Variants in TRIM31 observed in about 807,000 individuals in gnomAD.
TRIM31 encodes the protein E3 ubiquitin-protein ligase TRIM31.
Under a neutral mutation model 40.6 loss-of-function variants are expected in TRIM31, and 31 were observed. The ratio of observed to expected loss-of-function variants is 0.76; its 90% CI spans 0.57 to 1.03. The LOEUF (loss-of-function observed/expected upper bound fraction) is 1.03. TRIM31 is among the 50% of genes least tolerant of loss of function. The pLI is 0.00. For missense variants in TRIM31, 455 were observed against 497.5 expected, an observed-to-expected ratio of 0.91 and a Z score of 0.81; for synonymous variants, 164 against 193.9, an observed-to-expected ratio of 0.85 and a Z score of 1.28.
At chr6:30,103,958 G>A (rs1159206805) in intron 8 of TRIM31, 144 bp downstream of exon 8, 4 of 1,368,526 alleles carry the variant, frequency 2.9e-6, no homozygotes, top group Non-Finnish European at 4.1e-6. Flanking sequence ...TGGCAGAGGT[G>A]TAATTTGGGG....
chr6:30,108,853 G>T (rs2240068), intron 5 of TRIM31, 173 bp downstream of exon 5: 338,234 of 693,260 alleles, frequency 0.49, 84,575 homozygotes, highest in East Asian at 0.66. Flanking sequence ...AACCAACCAC[G>T]TGCTAATATG....
chr6:30,105,279 C>T (rs1768566382), intron 6 of TRIM31, 37 bp from the exon 7 acceptor site: 4 of 1,556,404 alleles, frequency 2.6e-6, no homozygotes, highest in Non-Finnish European at 3.5e-6. Context: ...GGTGAGAGTC[C>T]AGAGGGGTTG....
rs757504038 is a variant in TRIM31 at position 30,110,644 on chromosome 6, G to A, written c.548C>T (p.Thr183Ile). ...QVEHEKQRIL[T>I]EFELLHQVLE... ...GACTTGATGCAGGAGTTCAAATTCT[G>A]TGAGGATCCTTTGCTTCTCATGTTC... is the stretch of plus-strand genomic sequence containing the variant. The change falls in exon 4 of 9, where the codon ACA becomes ATA. Residue 183 changes from threonine (T) to isoleucine (I), a missense_variant. Thr to Ile is a moderately conservative substitution (Grantham distance 89, BLOSUM62 -1). Transcript: ENST00000376734. 6.2e-7 allele frequency: 1 copy of A among 1,614,162 alleles called. No individual in the cohort carries two copies. Among genetic ancestry groups the A allele is most frequent in the East Asian group, 2.2e-5 (1 of 44,890 alleles).
chr6:30,106,285 G>A (rs1314768210), intron 6 of TRIM31, among the ~76,000 whole-genome samples: 3 of 152,200 alleles, frequency 2.0e-5, no homozygotes, highest in African/African-American at 7.2e-5. Flanking sequence ...CAGTCATGGG[G>A]ACTGCTCAGG....
chr6:30,106,774 A>G (rs762113409), intron 6 of TRIM31, among the ~76,000 whole-genome samples: 1 of 152,064 alleles, frequency 6.6e-6, no homozygotes, highest in Non-Finnish European at 1.5e-5. Flanking sequence ...TCCAAACTAG[A>G]ACCAAACTAT....
chr6:30,112,262 C>T lies in TRIM31; in HGVS notation c.417+127G>A, dbSNP rs115689235. ...TGAACCCACTGTGCCTGACTGCGAG[C>T]TGCCCACTCAAGCCCAAGGGGTGGG... On this transcript the variant is annotated intron_variant, in intron 2 of 8. Coordinates refer to ENST00000376734, the MANE Select transcript of TRIM31 (RefSeq NM_007028.5). The T allele has an allele frequency of 3.4e-3, 3,677 of 1,070,912 alleles. 42 individuals carry two copies. The highest frequency in any genetic ancestry group is 0.032 in the African/African-American group (2,042 of 63,056). 66.3% of individuals were successfully genotyped at this position (1,070,912 alleles called of 1,614,324 possible). A position where few individuals can be genotyped will look rare whatever the true frequency, so the allele number is the denominator to read the frequency against.
At position 30,109,039 on chromosome 6, in the gene TRIM31, C is replaced by T. The variant is rs774568018; in HGVS notation, c.754G>A (p.Val252Ile). The T allele has an allele frequency of 6.2e-7, 1 of 1,613,010 alleles. No homozygotes were observed. Among genetic ancestry groups the T allele is most frequent in the Non-Finnish European group, 8.5e-7 (1 of 1,180,030 alleles). ...PPRQLLEDIK[V>I]VLCRSEEFQF... ...GGCCCATCATACCTGCACAAGACGA[C>T]TTTGATATCCTAGAAGAGAAAGAGA... is the stretch of plus-strand genomic sequence containing the variant. The change falls in exon 5 of 9, where the codon GTC becomes ATC. Residue 252 changes from valine to isoleucine, a missense_variant. Physicochemically the swap from Val to Ile is conservative, Grantham distance 29 (BLOSUM62 3). Coordinates refer to ENST00000376734, the MANE Select transcript of TRIM31 (RefSeq NM_007028.5).
In TRIM31 at chr6:30,103,749, TGAA is replaced by T. The variant is rs1195752061; in HGVS notation, c.1062_1064del (p.Ser355del). 20 of 1,612,998 alleles carry T rather than the reference TGAA, an allele frequency of 1.2e-5. No individual in the cohort carries two copies. Among genetic ancestry groups the T allele is most frequent in the Non-Finnish European group, 1.7e-5 (20 of 1,180,022 alleles). ...CCCGAAACAGGGAGTGGGATGGGGC[TGAA>T]GAGTGGTGATTTGGTGGCCCCGATG... On this transcript the variant is annotated inframe_deletion, in exon 9 of 9. Coordinates refer to ENST00000376734, the MANE Select transcript of TRIM31 (RefSeq NM_007028.5).
Position 30,103,373 on chromosome 6 carries a change from G to T in TRIM31, c.*163C>A. ...TCCAACTCTCTTCACCACCACCCCC[G>T]CCCCCATCTCCACTCTCAGTAGCCC... On this transcript the variant is annotated 3_prime_UTR_variant, in exon 9 of 9. Transcript: ENST00000376734. The T allele has an allele frequency of 1.7e-6, 1 of 571,728 alleles. No individual in the cohort carries two copies. The highest frequency in any genetic ancestry group is 3.1e-6 in the Non-Finnish European group (1 of 325,124). 35.4% of individuals were successfully genotyped at this position (571,728 alleles called of 1,614,324 possible).
chr6:30,108,082 G>C lies in TRIM31; in HGVS notation c.854C>G (p.Ser285Cys). The change falls in exon 6 of 9, where the codon TCC becomes TGC. Residue 285 changes from serine (S) to cysteine (C), a missense_variant. By Grantham distance (112) the Ser-to-Cys change is moderately radical. Coordinates refer to ENST00000376734, the MANE Select transcript of TRIM31 (RefSeq NM_007028.5). ...KLSEAKSRHDSITGSLKKFKD... is the reference protein window; with the variant it reads ...KLSEAKSRHDCITGSLKKFKD... Reference sequence around the variant, plus strand: ...GAATTTTTTTAGGCTCCCTGTGATGGAGTCATGTCTTGATTTTGCTTCACT... The same window carrying C: ...GAATTTTTTTAGGCTCCCTGTGATGCAGTCATGTCTTGATTTTGCTTCACT... 1 of 1,608,486 alleles carries C rather than the reference G, an allele frequency of 6.2e-7. No individual in the cohort carries two copies. The highest frequency in any genetic ancestry group is 8.5e-7 in the Non-Finnish European group (1 of 1,175,926).
intron 7 of TRIM31, among the ~76,000 whole-genome samples, 193 bp from the exon 8 acceptor site, chr6:30,104,360 C>T (rs1250815250): frequency 6.6e-6 from 1 of 152,122 alleles, no homozygotes; most frequent in Non-Finnish European, 1.5e-5. Flanking sequence ...TCTCTACTGG[C>T]TTATAGGGCT....
chr6:30,111,714 C>G lies in TRIM31; in HGVS notation c.447G>C (p.Leu149Phe), dbSNP rs1252074546. 6.2e-7 allele frequency: 1 copy of G among 1,614,232 alleles called. No homozygotes were observed. Among genetic ancestry groups the G allele is most frequent in the South Asian group, 1.1e-5 (1 of 91,086 alleles). ...QGQIQEQIQV[L>F]QQKEKETVQV... ...GTACTGTCTCCTTCTCCTTTTGCTG[C>G]AAGACTTGGATCTGCTCTTGAATCT... is the stretch of plus-strand genomic sequence containing the variant. The change falls in exon 3 of 9, where the codon TTG becomes TTC. Residue 149 changes from leucine to phenylalanine, a missense_variant. By Grantham distance (22) the Leu-to-Phe change is conservative. Transcript: ENST00000376734.
At position 30,112,663 on chromosome 6, in the gene TRIM31, CAT is replaced by C; in HGVS notation, c.141_142del (p.Cys48TrpfsTer37). The stretch of plus-strand genomic sequence containing the variant: ...GCAGAGGGGACATTTGAAAAATCCA[CAT>C]GATGTTTCCCCAATCTGAGTGATGC... On this transcript the variant is annotated frameshift_variant, in exon 2 of 9. Coordinates refer to ENST00000376734, the MANE Select transcript of TRIM31 (RefSeq NM_007028.5). LOFTEE classifies it high-confidence loss of function. 1 of 1,613,144 alleles carries C rather than the reference CAT, an allele frequency of 6.2e-7. No homozygotes were observed. Among genetic ancestry groups the C allele is most frequent in the Non-Finnish European group, 8.5e-7 (1 of 1,180,052 alleles).
Position 30,103,375 on chromosome 6 carries a change from C to T in TRIM31, c.*161G>A. On this transcript the variant is annotated 3_prime_UTR_variant, in exon 9 of 9. Coordinates refer to ENST00000376734, the MANE Select transcript of TRIM31 (RefSeq NM_007028.5). ...CAACTCTCTTCACCACCACCCCCGC[C>T]CCCATCTCCACTCTCAGTAGCCCGA... 1 of 995,418 alleles carries T rather than the reference C, an allele frequency of 1.0e-6. No homozygotes were observed. 61.7% of individuals were successfully genotyped at this position (995,418 alleles called of 1,614,324 possible).
intron 3 of TRIM31, chr6:30,111,415 C>G (rs182056309): frequency 1.2e-4 from 65 of 537,154 alleles, no homozygotes; most frequent in South Asian, 8.0e-5. Context: ...CTAAGACCAG[C>G]GCGGGTTTTC....
At chr6:30,110,365 G>T in intron 4 of TRIM31, 83 bp downstream of exon 4, 2 of 1,346,056 alleles carry the variant, frequency 1.5e-6, no homozygotes, top group Non-Finnish European at 2.1e-6. Flanking sequence ...GCAATCTCAG[G>T]TATTCTGCCA....
rs545711584 is a variant in TRIM31, at chr6:30,112,823, G to C, written c.-18C>G. 1 of 1,581,012 alleles carries C rather than the reference G, an allele frequency of 6.3e-7. No individual in the cohort carries two copies. The highest frequency in any genetic ancestry group is 2.2e-5 in the East Asian group (1 of 44,706). ...CTGGCCATGACAGAACAACAGGGCT[G>C]TTTCAAGACTGTAGGAAGCTGTGCC... is the stretch of plus-strand genomic sequence containing the variant. On this transcript the variant is annotated 5_prime_UTR_variant, in exon 2 of 9. Transcript: ENST00000376734.
Position 30,103,005 on chromosome 6 carries a change from T to C in TRIM31, c.*531A>G, listed in dbSNP as rs1220322922. 1 of 159,910 alleles carries C rather than the reference T, an allele frequency of 6.3e-6. No individual in the cohort carries two copies. Among genetic ancestry groups the C allele is most frequent in the Non-Finnish European group, 1.4e-5 (1 of 72,308 alleles). The allele number at this position is 159,910 out of a possible 1,614,324, so 9.9% of individuals were successfully genotyped here. On this transcript the variant is annotated 3_prime_UTR_variant, in exon 9 of 9. Coordinates refer to ENST00000376734, the MANE Select transcript of TRIM31 (RefSeq NM_007028.5). ...TAAATATTTCAGAATGGGGACCTCA[T>C]TCTATCTACTGATTTATCAAATCTC...
rs546632283 is a variant in TRIM31, at chr6:30,112,877, T to C, written c.-72A>G. ...TCTGTAGGAGCCCCGGAGTCCACTG[T>C]GGATACTGTTTCTAGGAAGGGAGAA... On this transcript the variant is annotated 5_prime_UTR_variant, in exon 2 of 9. Coordinates refer to ENST00000376734, the MANE Select transcript of TRIM31 (RefSeq NM_007028.5). 2.1e-6 allele frequency: 3 copies of C among 1,456,816 alleles called. No homozygotes were observed. Among genetic ancestry groups the C allele is most frequent in the South Asian group, 2.8e-5 (2 of 71,386 alleles). The allele number at this position is 1,456,816 out of a possible 1,614,324, so 90.2% of individuals were successfully genotyped here. A position where few individuals can be genotyped will look rare whatever the true frequency, so the allele number is the denominator to read the frequency against.
Sources: allele counts gnomAD v4.1 joint callset (sites outside exome capture counted in the v4.1 genomes callset), GRCh38; gene constraint gnomAD v4.1.1; transcripts MANE v1.5; gene names NCBI Gene and HGNC (gene_info 2026-07-23, HGNC 2026-07-21).